FGD5: variants seen among roughly 807,000 people sequenced by gnomAD.
The protein encoded by FGD5 is FYVE, RhoGEF and PH domain containing 5.
FGD5 carries 28 observed loss-of-function variants against 133.4 expected under a neutral mutation model. That is an observed-to-expected ratio of 0.21 (90% confidence interval 0.16 to 0.29). The LOEUF is 0.29. Among genes scored for constraint, FGD5 ranks in the 10% least tolerant of loss-of-function variants. The probability of loss-of-function intolerance (pLI) is 1.00; values close to 1 mark genes in which losing one functional copy is unlikely to be tolerated. For synonymous variants in FGD5, 810 were observed against 776.5 expected (o/e 1.04, Z -0.72); for missense variants, 1,858 against 1,895.2 (o/e 0.98, Z 0.36).
chr3:14,921,897 C>T lies in FGD5; in HGVS notation c.3570-21C>T, dbSNP rs1422691213. 18 of 1,554,662 alleles carry T rather than the reference C, an allele frequency of 1.2e-5. 1 individual carries two copies. In the Middle Eastern group the frequency reaches 1.5e-3, roughly 129 times the overall value. On this transcript the variant is annotated intron_variant, in intron 13 of 19. Coordinates refer to ENST00000285046, the MANE Select transcript of FGD5 (RefSeq NM_152536.4). ...AGGCAGAGCTGCTCCTGCCTTTGCTCACTCCAGCCCATGCCCGCAGCTCCT... is the reference window on the plus strand; with the variant it reads ...AGGCAGAGCTGCTCCTGCCTTTGCTTACTCCAGCCCATGCCCGCAGCTCCT...
At chr3:14,925,956 C>A in intron 17 of FGD5, 114 bp from the exon 18 acceptor site, 1 of 1,380,818 alleles carries the variant, frequency 7.2e-7, no homozygotes, top group Non-Finnish European at 9.8e-7. Context: ...TATCCAGTGT[C>A]AAAGCAGTAT....
At chr3:14,833,329 A>G (rs904624833) in intron 1 of FGD5, among the ~76,000 whole-genome samples, 16 of 152,234 alleles carry the variant, frequency 1.1e-4, no homozygotes, top group South Asian at 2.1e-4. Flanking sequence ...ATAGGGCCCA[A>G]AATCTCCAGG....
chr3:14,901,139 T>C, intron 9 of FGD5, 78 bp downstream of exon 9: 1 of 1,471,328 alleles, frequency 6.8e-7, no homozygotes, highest in Non-Finnish European at 9.5e-7. Flanking sequence ...AGCCTTCTGA[T>C]GCCCCACTCC....
At chr3:14,840,756 C>T (rs1016938370) in intron 1 of FGD5, among the ~76,000 whole-genome samples, 1 of 152,134 alleles carries the variant, frequency 6.6e-6, no homozygotes, top group Non-Finnish European at 1.5e-5. Context: ...CAACCAACCC[C>T]ACCACAGTGA....
intron 2 of FGD5, among the ~76,000 whole-genome samples, chr3:14,872,611 T>TA (rs1320667288): frequency 1.3e-5 from 2 of 152,224 alleles, no homozygotes; most frequent in Admixed American, 1.3e-4. Context: ...GCACGTGTGA[T>TA]AAGCAAGCGT....
At chr3:14,832,308 C>A (rs1214614066) in intron 1 of FGD5, among the ~76,000 whole-genome samples, 2 of 152,220 alleles carry the variant, frequency 1.3e-5, no homozygotes, top group Non-Finnish European at 2.9e-5. Flanking sequence ...GGTGTTGTCA[C>A]AGACCGTTTG....
chr3:14,855,677 A>G (rs945386786), intron 1 of FGD5, among the ~76,000 whole-genome samples: 12 of 151,636 alleles, frequency 7.9e-5, no homozygotes, highest in African/African-American at 2.9e-4. Context: ...ATGTCTATTC[A>G]TATCATTTAC....
chr3:14,831,407 C>T (rs914029432), intron 1 of FGD5, among the ~76,000 whole-genome samples: 1 of 152,136 alleles, frequency 6.6e-6, no homozygotes, highest in African/African-American at 2.4e-5. Context: ...CCAAGTGGTT[C>T]TTGGGGTGTA....
intron 1 of FGD5, 22 bp downstream of exon 1, chr3:14,821,618 T>A (rs2036505457): frequency 6.5e-7 from 1 of 1,540,466 alleles, no homozygotes; most frequent in South Asian, 1.2e-5. Context: ...TCTATTTCCT[T>A]TCTTGTTCGG....
At chr3:14,879,032 C>T (rs1346716502) in intron 2 of FGD5, among the ~76,000 whole-genome samples, 5 of 152,244 alleles carry the variant, frequency 3.3e-5, no homozygotes, top group African/African-American at 4.8e-5. Context: ...TTAACCACAA[C>T]ACTATGCAGT....
chr3:14,922,425 G>A lies in FGD5; in HGVS notation c.3684G>A (p.Leu1228=). 1.3e-6 allele frequency: 2 copies of A among 1,568,374 alleles called. No individual in the cohort carries two copies. Among genetic ancestry groups the A allele is most frequent in the African/African-American group, 2.7e-5 (2 of 73,904 alleles). ...TGTTGCTGCAGATACGAGAGAGGCTGGGGGTTAGCCTTGGGGAGAGGCCCC... is the reference window on the plus strand; with the variant it reads ...TGTTGCTGCAGATACGAGAGAGGCTAGGGGTTAGCCTTGGGGAGAGGCCCC... The part of the protein sequence containing the change: ...FHHSVEIRER[L]GVSLGERPPT... Residue 1228 remains leucine (L), a synonymous_variant, in exon 15 of 20, where the codon CTG becomes CTA. Transcript: ENST00000285046. The surrounding 1 kb of genome is among the most constrained non-coding windows in gnomAD (Gnocchi z 4.1).
chr3:14,843,868 A>T (rs889999663), intron 1 of FGD5, among the ~76,000 whole-genome samples: 2 of 151,190 alleles, frequency 1.3e-5, no homozygotes, highest in Middle Eastern at 6.8e-3. Flanking sequence ...TAATTTTTGT[A>T]TTTTTTAGTA....
intron 11 of FGD5, among the ~76,000 whole-genome samples, chr3:14,916,251 G>C (rs2038551561): frequency 6.6e-6 from 1 of 152,156 alleles, no homozygotes; most frequent in Non-Finnish European, 1.5e-5. Flanking sequence ...TGAGGAAAGG[G>C]CTTGGTCATA....
At chr3:14,914,282 A>C (rs2038508774) in intron 11 of FGD5, among the ~76,000 whole-genome samples, 1 of 152,224 alleles carries the variant, frequency 6.6e-6, no homozygotes, top group African/African-American at 2.4e-5. Context: ...GCCCACGCCC[A>C]GCAGTGTTGT....
intron 2 of FGD5, among the ~76,000 whole-genome samples, chr3:14,877,416 G>A (rs189425684): frequency 2.2e-4 from 33 of 152,332 alleles, no homozygotes; most frequent in East Asian, 1.4e-3. Flanking sequence ...GCCTGTCCTC[G>A]ACAGCTTGGA....
chr3:14,844,955 G>A (rs1393651311), intron 1 of FGD5, among the ~76,000 whole-genome samples: 1 of 152,162 alleles, frequency 6.6e-6, no homozygotes, highest in African/African-American at 2.4e-5. Flanking sequence ...TACCTTCTAA[G>A]GTGTGCAAGG....
chr3:14,853,643 T>C (rs1189058045), intron 1 of FGD5, among the ~76,000 whole-genome samples: 30 of 119,304 alleles, frequency 2.5e-4, no homozygotes, highest in African/African-American at 1.0e-3. Flanking sequence ...TTCCTTTTTT[T>C]TTTTTTTTTT....
At chr3:14,909,396 C>T (rs1388958333) in intron 10 of FGD5, among the ~76,000 whole-genome samples, 1 of 152,184 alleles carries the variant, frequency 6.6e-6, no homozygotes, top group Admixed American at 6.5e-5. Flanking sequence ...AATAGTTCCA[C>T]GGGTCAAACA....
rs768113664 is a variant in FGD5 at position 14,820,612 on chromosome 3, G to T, written c.1541G>T (p.Gly514Val). 1.9e-6 allele frequency: 3 copies of T among 1,607,066 alleles called. No individual in the cohort carries two copies. Among genetic ancestry groups the T allele is most frequent in the African/African-American group, 1.3e-5 (1 of 74,820 alleles). Residue 514 changes from glycine (G) to valine (V), a missense_variant, in exon 1 of 20, where the codon GGT becomes GTT. This residue lies in a region of FGD5 where 1,824 missense variants were observed against 1,848.9 expected (regional missense o/e 0.99). Coordinates refer to ENST00000285046, the MANE Select transcript of FGD5 (RefSeq NM_152536.4). Reference protein sequence around the residue: ...EAGSSAPGIGGAAEEVGKTLL... With the variant: ...EAGSSAPGIGVAAEEVGKTLL... ...GGCTCGTCAGCCCCTGGCATTGGAG[G>T]TGCCGCAGAGGAGGTGGGAAAGACG...
Sources: gnomAD v4.1 joint callset for allele counts (sites outside exome capture counted in the v4.1 genomes callset) on GRCh38, gnomAD v4.1.1 for gene constraint, gnomAD v4.1.1 regional missense constraint, Gnocchi (gnomAD v3.1) non-coding constraint, MANE v1.5 for transcripts, NCBI Gene and HGNC (gene_info 2026-07-23, HGNC 2026-07-21) for gene names.